Variants in ITGB4 observed in about 807,000 individuals in gnomAD.
The protein encoded by ITGB4 is integrin beta-4.
In ITGB4, 159 loss-of-function variants were observed where a neutral mutation model predicts 207.6. The observed-to-expected ratio is 0.77, with a 90% CI of 0.67 to 0.87. The LOEUF (loss-of-function observed/expected upper bound fraction) is 0.87. Among genes scored for constraint, ITGB4 ranks in the 40% least tolerant of loss-of-function variants. The probability of loss-of-function intolerance (pLI) is 0.00; values close to 1 mark genes in which losing one functional copy is unlikely to be tolerated. For missense variants in ITGB4, 2,278 were observed against 2,546.8 expected (o/e 0.89, Z 2.27); for synonymous variants, 1,020 against 1,062.7 (o/e 0.96, Z 0.78).
chr17:75,741,467 T>C (rs2061108479), intron 23 of ITGB4, among the ~76,000 whole-genome samples: 3 of 152,072 alleles, frequency 2.0e-5, no homozygotes, highest in Admixed American at 2.0e-4. Context: ...GGAGGGGGTC[T>C]TGATGCAGGG....
Position 75,736,037 on chromosome 17 carries a change from G to A in ITGB4, c.1658-14G>A. The A allele has an allele frequency of 1.2e-6, 2 of 1,612,814 alleles. No homozygotes were observed. Among genetic ancestry groups the A allele is most frequent in the African/African-American group, 1.3e-5 (1 of 75,028 alleles). On this transcript the variant is annotated splice_polypyrimidine_tract_variant and intron_variant, in intron 13 of 39. Transcript: ENST00000200181. ...GATGTAGCTCTCATCTCCCTTCCTTGTCCCTCTCTGCAGACCGAGGACGCT... is the reference window on the plus strand; with the variant it reads ...GATGTAGCTCTCATCTCCCTTCCTTATCCCTCTCTGCAGACCGAGGACGCT...
intron 1 of ITGB4, among the ~76,000 whole-genome samples, chr17:75,724,086 G>A (rs1250265369): frequency 6.6e-6 from 1 of 152,218 alleles, no homozygotes; most frequent in East Asian, 1.9e-4. Flanking sequence ...GGCAGGCAGA[G>A]GTACAGGGGA....
Position 75,722,018 on chromosome 17 carries a change from GTTCT to G in ITGB4, c.-11+411_-11+414del, listed in dbSNP as rs1214520128. On this transcript the variant is annotated intron_variant, in intron 1 of 39. Coordinates refer to ENST00000200181, the MANE Select transcript of ITGB4 (RefSeq NM_000213.5). The surrounding 1 kb of genome is among the most constrained non-coding windows in gnomAD (Gnocchi z 6.2). ...ATTCCTGACTTTTATGTGAAATTTC[GTTCT>G]TTCTAACATTGGCTCCTACTTTTAA... Among the ~76,000 whole-genome samples the G allele has an allele frequency of 6.6e-6, 1 of 152,206 alleles. No homozygotes were observed. The highest frequency in any genetic ancestry group is 2.4e-5 in the African/African-American group (1 of 41,452).
chr17:75,738,990 G>A (rs1027663699), intron 18 of ITGB4, among the ~76,000 whole-genome samples: 2 of 151,588 alleles, frequency 1.3e-5, no homozygotes, highest in Non-Finnish European at 2.9e-5. Flanking sequence ...AAAAAAAGAA[G>A]GTTTAAGAAA....
At chr17:75,752,632 G>A (rs2061395796) in intron 32 of ITGB4, 55 bp downstream of exon 32, 4 of 1,607,358 alleles carry the variant, frequency 2.5e-6, no homozygotes, top group Middle Eastern at 1.7e-4. Context: ...GGTACAGAGT[G>A]AGTCCACTGG....
At chr17:75,730,790 T>C in intron 8 of ITGB4, 85 bp from the exon 9 acceptor site, 2 of 1,306,646 alleles carry the variant, frequency 1.5e-6, no homozygotes, top group Non-Finnish European at 2.2e-6. Context: ...GGCCTCAGTT[T>C]CCCCATCCTC....
In ITGB4 at chr17:75,727,384, C is replaced by T; in HGVS notation, c.163-20C>T. On this transcript the variant is annotated intron_variant, in intron 3 of 39. Coordinates refer to ENST00000200181, the MANE Select transcript of ITGB4 (RefSeq NM_000213.5). The surrounding 1 kb of genome is among the most constrained non-coding windows in gnomAD (Gnocchi z 6.0). ...AGGGAATGGGTGCTGCCCCCAGTGA[C>T]CCCCTGTCCTTCTGGCCAGATGTTC... is the stretch of plus-strand genomic sequence containing the variant. 6.2e-7 allele frequency: 1 copy of T among 1,613,564 alleles called. No homozygotes were observed. Among genetic ancestry groups the T allele is most frequent in the Non-Finnish European group, 8.5e-7 (1 of 1,179,566 alleles).
intron 12 of ITGB4, among the ~76,000 whole-genome samples, chr17:75,733,040 G>A (rs763692009): frequency 2.6e-5 from 4 of 151,566 alleles, no homozygotes; most frequent in Admixed American, 6.6e-5. Flanking sequence ...AGCTGAGATC[G>A]CGCCACTGCA....
chr17:75,734,246 C>A (rs1358871134), intron 13 of ITGB4, among the ~76,000 whole-genome samples: 1 of 148,418 alleles, frequency 6.7e-6, no homozygotes, highest in Non-Finnish European at 1.5e-5. Flanking sequence ...AGGCGATTCT[C>A]CTGCCTCAGC....
intron 13 of ITGB4, among the ~76,000 whole-genome samples, chr17:75,734,928 T>C (rs1339510191): frequency 6.6e-6 from 1 of 152,240 alleles, no homozygotes; most frequent in East Asian, 1.9e-4. Flanking sequence ...AGGGGGTCAC[T>C]GGAGGTTTTA....
Position 75,724,792 on chromosome 17 carries a change from C to A in ITGB4, c.79+10C>A. ...CTCTCTGGGACCTTGGGTGAGTCCA[C>A]GTTGCCCTGCAGCCCCCTCCTGGCA... On this transcript the variant is annotated intron_variant, in intron 2 of 39. Transcript: ENST00000200181. The A allele has an allele frequency of 6.2e-7, 1 of 1,611,138 alleles. No homozygotes were observed. Among genetic ancestry groups the A allele is most frequent in the Non-Finnish European group, 8.5e-7 (1 of 1,177,978 alleles).
Position 75,753,883 on chromosome 17 carries a change from C to T in ITGB4, c.4227C>T (p.Asp1409=). 3 of 1,318,956 alleles carry T rather than the reference C, an allele frequency of 2.3e-6. No homozygotes were observed. Among genetic ancestry groups the T allele is most frequent in the Non-Finnish European group, 1.9e-6 (2 of 1,038,208 alleles). 81.7% of individuals were successfully genotyped at this position (1,318,956 alleles called of 1,614,324 possible). Residue 1409 remains aspartate, a synonymous_variant, in exon 33 of 40, where the codon GAC becomes GAT. Transcript: ENST00000200181. ...RLSASSGRSS[D]AEAPHGPPDD... ...CGGCCAGCAGCGGGCGCTCCTCCGA[C>T]GCCGAGGCGCCCCACGGGCCCCCGG...
chr17:75,731,532 T>C lies in ITGB4; in HGVS notation c.1215+164T>C, dbSNP rs2060858724. Among the ~76,000 whole-genome samples the C allele has an allele frequency of 6.6e-6, 1 of 152,110 alleles. No homozygotes were observed. The highest frequency in any genetic ancestry group is 6.5e-5 in the Admixed American group (1 of 15,272). On this transcript the variant is annotated intron_variant, in intron 10 of 39. Transcript: ENST00000200181. This position sits in a 1 kb window ranked among gnomAD's most constrained non-coding sequence, Gnocchi z 6.8. ...GATGAGCCTAGGTTGCTCCTCTGCT[T>C]GTTGGTTTCCTCGGCATGCAAGCGT...
Position 75,729,158 on chromosome 17 carries a change from C to CAAA in ITGB4, c.567-92_567-90dup, listed in dbSNP as rs56375128. The CAAA allele has an allele frequency of 1.5e-3, 1,206 of 787,734 alleles. No homozygotes were observed. The highest frequency in any genetic ancestry group is 1.8e-3 in the Non-Finnish European group (974 of 535,548). The allele number at this position is 787,734 out of a possible 1,614,324, so 48.8% of individuals were successfully genotyped here. ...TGGGTGATAAAGCGAGACTTGGTCT[C>CAAA]AAAAAAAAAAAAAAAAATTCTCCTT... On this transcript the variant is annotated intron_variant, in intron 6 of 39. Transcript: ENST00000200181. This position sits in a 1 kb window ranked among gnomAD's most constrained non-coding sequence, Gnocchi z 4.4.
intron 25 of ITGB4, among the ~76,000 whole-genome samples, chr17:75,743,315 C>T (rs879816236): frequency 2.0e-5 from 3 of 152,190 alleles, no homozygotes; most frequent in African/African-American, 7.2e-5. Context: ...TCACTGCAAC[C>T]GCTGCCTCCC....
chr17:75,755,682 T>G lies in ITGB4; in HGVS notation c.4559-19T>G. On this transcript the variant is annotated intron_variant, in intron 34 of 39. Transcript: ENST00000200181. ...CCTAGCCCCTGCATCTCTGGCTGACTGCGGCCTCCTGTCCCCAGACTCTCG... is the reference window on the plus strand; with the variant it reads ...CCTAGCCCCTGCATCTCTGGCTGACGGCGGCCTCCTGTCCCCAGACTCTCG... 1 of 1,612,516 alleles carries G rather than the reference T, an allele frequency of 6.2e-7. No homozygotes were observed. The highest frequency in any genetic ancestry group is 1.1e-5 in the South Asian group (1 of 91,076).
chr17:75,743,595 T>C (rs904695211), intron 25 of ITGB4, 118 bp from the exon 26 acceptor site: 3 of 1,385,656 alleles, frequency 2.2e-6, no homozygotes, highest in Admixed American at 1.7e-5. Context: ...GGGCAATGCA[T>C]AGAGGGAACC....
At position 75,731,748 on chromosome 17, in the gene ITGB4, G is replaced by A; in HGVS notation, c.1216-64G>A. 6.7e-7 allele frequency: 1 copy of A among 1,493,812 alleles called. No individual in the cohort carries two copies. Among genetic ancestry groups the A allele is most frequent in the Non-Finnish European group, 9.0e-7 (1 of 1,112,108 alleles). The allele number at this position is 1,493,812 out of a possible 1,614,324, so 92.5% of individuals were successfully genotyped here. ...GGAACTTGGGGGCCGAGGGCCTTCAGGCATCGATGGCCCCCTGGTCCTTGG... is the reference window on the plus strand; with the variant it reads ...GGAACTTGGGGGCCGAGGGCCTTCAAGCATCGATGGCCCCCTGGTCCTTGG... On this transcript the variant is annotated intron_variant, in intron 10 of 39. Transcript: ENST00000200181. The surrounding 1 kb of genome is among the most constrained non-coding windows in gnomAD (Gnocchi z 6.8).
At position 75,754,685 on chromosome 17, in the gene ITGB4, C is replaced by A. The variant is rs931501406; in HGVS notation, c.4428C>A (p.His1476Gln). 27 of 1,614,156 alleles carry A rather than the reference C, an allele frequency of 1.7e-5. No homozygotes were observed. The highest frequency in any genetic ancestry group is 2.0e-5 in the Non-Finnish European group (24 of 1,180,018). ...AAAYGTHLSPHVPHRVLSTSS... is the reference protein window; with the variant it reads ...AAAYGTHLSPQVPHRVLSTSS... The stretch of plus-strand genomic sequence containing the variant: ...CCTATGGCACCCACCTGAGCCCACA[C>A]GTGCCCCACCGCGTGCTAAGCACAT... The change falls in exon 34 of 40, where the codon CAC (histidine) becomes CAA (glutamine). Residue 1476 changes from histidine to glutamine, a missense_variant. Transcript: ENST00000200181.
Sources: gnomAD v4.1 joint callset for allele counts (sites outside exome capture counted in the v4.1 genomes callset) on GRCh38, gnomAD v4.1.1 for gene constraint, Gnocchi (gnomAD v3.1) non-coding constraint, MANE v1.5 for transcripts, NCBI Gene and HGNC (gene_info 2026-07-23, HGNC 2026-07-21) for gene names.